CC2D2A: variants seen among roughly 807,000 people sequenced by gnomAD.
CC2D2A encodes the protein coiled-coil and C2 domain-containing protein 2A.
In CC2D2A, 155 loss-of-function variants were observed where a neutral mutation model predicts 212.9. The ratio of observed to expected loss-of-function variants is 0.73; its 90% CI spans 0.64 to 0.83. The LOEUF (loss-of-function observed/expected upper bound fraction) is 0.83, where lower values mean the gene tolerates loss of function less well. Ranked by LOEUF, CC2D2A falls within the 40% of genes least tolerant of loss-of-function variation. CC2D2A has a pLI of 0.00. For synonymous variants in CC2D2A, 667 were observed against 686.5 expected (o/e 0.97, Z 0.44); for missense variants, 1,856 against 1,956.2 (o/e 0.95, Z 0.97).
intron 4 of CC2D2A, among the ~76,000 whole-genome samples, chr4:15,490,603 G>A (rs1715242922): frequency 1.3e-5 from 2 of 152,140 alleles, no homozygotes; most frequent in African/African-American, 4.8e-5. Flanking sequence ...CAGTGTTGCT[G>A]TGAACACTTG....
At chr4:15,487,678 T>C (rs1455666976) in intron 4 of CC2D2A, among the ~76,000 whole-genome samples, 2 of 152,138 alleles carry the variant, frequency 1.3e-5, no homozygotes, top group Non-Finnish European at 2.9e-5. Flanking sequence ...AGGGACTTAC[T>C]ACTGCCATTT....
rs775021952 is a variant in CC2D2A, at chr4:15,589,553, T to A, written c.4188T>A (p.Thr1396=). 9 of 1,612,070 alleles carry A rather than the reference T, an allele frequency of 5.6e-6. No homozygotes were observed. Among genetic ancestry groups the A allele is most frequent in the Non-Finnish European group, 7.6e-6 (9 of 1,178,748 alleles). The stretch of plus-strand genomic sequence containing the variant: ...TGGCCATCTTCTTTCAGGGTCCAAC[T>A]GCCTATGTGCTAACTTGGGAGCAAG... ...LMGNAIPEGP[T]AYVLTWEQGR... Residue 1396 remains threonine, a synonymous_variant, in exon 33 of 37, where the codon ACT becomes ACA. Transcript: ENST00000424120.
In CC2D2A at chr4:15,587,905, G is replaced by A. The variant is rs371862849; in HGVS notation, c.4155G>A (p.Leu1385=). Residue 1385 remains leucine, a synonymous_variant, in exon 32 of 37, where the codon CTG becomes CTA. Coordinates refer to ENST00000424120, the MANE Select transcript of CC2D2A (RefSeq NM_001378615.1). ...TGTCTCTGGGTAAGAAGGCCTGGCT[G>A]TTGATGGGCAATGCTATTCCTGAGG... The part of the protein sequence containing the change: ...YFLSLGKKAW[L]LMGNAIPEGP... The A allele has an allele frequency of 4.1e-5, 66 of 1,610,328 alleles. 1 individual carries two copies. The highest frequency in any genetic ancestry group is 5.5e-5 in the Non-Finnish European group (65 of 1,176,864).
At position 15,569,323 on chromosome 4, in the gene CC2D2A, T is replaced by C. The variant is rs1343096396; in HGVS notation, c.3429T>C (p.Ser1143=). The C allele has an allele frequency of 1.1e-5, 18 of 1,582,730 alleles. No individual in the cohort carries two copies. Among genetic ancestry groups the C allele is most frequent in the Non-Finnish European group, 1.5e-5 (17 of 1,162,634 alleles). Residue 1143 remains serine, a synonymous_variant, in exon 27 of 37, where the codon AGT becomes AGC. Coordinates refer to ENST00000424120, the MANE Select transcript of CC2D2A (RefSeq NM_001378615.1). Reference sequence around the variant, plus strand: ...CTAATGGAGATTATAGCACAGCCAGTCTGCAGTCAGTGAAAGATGTTGTGT... The same window carrying C: ...CTAATGGAGATTATAGCACAGCCAGCCTGCAGTCAGTGAAAGATGTTGTGT... ...RAPNGDYSTA[S]LQSVKDVVFI...
chr4:15,493,648 C>T (rs1469886868), intron 4 of CC2D2A, among the ~76,000 whole-genome samples: 1 of 152,174 alleles, frequency 6.6e-6, no homozygotes, highest in East Asian at 1.9e-4. Flanking sequence ...TTTGTCTCTA[C>T]ACTTGTATCA....
intron 11 of CC2D2A, among the ~76,000 whole-genome samples, chr4:15,524,702 T>C (rs182047660): frequency 1.8e-4 from 27 of 152,170 alleles, no homozygotes; most frequent in Admixed American, 1.2e-3. Flanking sequence ...CTGCCCGCCT[T>C]GGCCTCCCAA....
intron 14 of CC2D2A, among the ~76,000 whole-genome samples, chr4:15,535,353 C>A (rs1270973246): frequency 6.6e-6 from 1 of 152,022 alleles, no homozygotes; most frequent in East Asian, 1.9e-4. Context: ...CTCCCTCCAT[C>A]CCTCCCCTCC....
chr4:15,472,672 T>C (rs1390879834), intron 1 of CC2D2A, among the ~76,000 whole-genome samples: 1 of 150,696 alleles, frequency 6.6e-6, no homozygotes, highest in African/African-American at 2.4e-5. Flanking sequence ...CAGTTTGCAA[T>C]GACCAGAGTT....
rs375933217 is a variant in CC2D2A, at chr4:15,538,157, G to T, written c.2003+20G>T. The T allele has an allele frequency of 1.1e-5, 17 of 1,512,956 alleles. No homozygotes were observed. The South Asian group carries it at 2.2e-4, about 20-fold the overall frequency. The allele number at this position is 1,512,956 out of a possible 1,614,324, so 93.7% of individuals were successfully genotyped here. A position where few individuals can be genotyped will look rare whatever the true frequency, so the allele number is the denominator to read the frequency against. The stretch of plus-strand genomic sequence containing the variant: ...CCCCAGGTGAGTGGATGCTCCGACC[G>T]TAAATGAGGCTGACATCTGATACAC... On this transcript the variant is annotated intron_variant, in intron 16 of 36. Coordinates refer to ENST00000424120, the MANE Select transcript of CC2D2A (RefSeq NM_001378615.1).
Position 15,540,861 on chromosome 4 carries a change from T to A in CC2D2A, c.2028T>A (p.Asp676Glu). 2 of 1,601,048 alleles carry A rather than the reference T, an allele frequency of 1.2e-6. No individual in the cohort carries two copies. Among genetic ancestry groups the A allele is most frequent in the Non-Finnish European group, 1.7e-6 (2 of 1,173,626 alleles). Residue 676 changes from aspartate to glutamate, a missense_variant, in exon 17 of 37, where the codon GAT becomes GAA. Coordinates refer to ENST00000424120, the MANE Select transcript of CC2D2A (RefSeq NM_001378615.1). ...GAGCGGAGGTCTCGAGAAGGGAGGA[T>A]GTAAAGAAGCGCTCAGTGTACTTAA... is the stretch of plus-strand genomic sequence containing the variant. ...CPRAEVSRRE[D>E]VKKRSVYLKV... is the part of the protein sequence containing the mutation.
At chr4:15,567,594 C>A in intron 25 of CC2D2A, 83 bp from the exon 26 acceptor site, 1 of 1,302,486 alleles carries the variant, frequency 7.7e-7, no homozygotes, top group Non-Finnish European at 1.1e-6. Context: ...AAACATACTA[C>A]TTAGTAAATA....
At chr4:15,569,416 C>T in intron 27 of CC2D2A, 27 bp downstream of exon 27, 5 of 1,282,254 alleles carry the variant, frequency 3.9e-6, no homozygotes, top group East Asian at 2.5e-5. Flanking sequence ...AAGAAAGACA[C>T]TTGTATTCAC....
intron 4 of CC2D2A, among the ~76,000 whole-genome samples, chr4:15,490,056 G>A (rs1004456847): frequency 3.3e-5 from 5 of 152,078 alleles, no homozygotes; most frequent in South Asian, 2.1e-4. Context: ...TATCTCCAGC[G>A]TGGACTTCTT....
At chr4:15,521,730 G>T (rs890981421) in intron 11 of CC2D2A, among the ~76,000 whole-genome samples, 2 of 152,202 alleles carry the variant, frequency 1.3e-5, no homozygotes, top group African/African-American at 4.8e-5. Context: ...CTCAATAAAA[G>T]CGCAAATTGA....
At chr4:15,529,246 G>A (rs1717681187) in intron 13 of CC2D2A, among the ~76,000 whole-genome samples, 2 of 152,054 alleles carry the variant, frequency 1.3e-5, no homozygotes, top group Admixed American at 1.3e-4. Flanking sequence ...GCTGAGTATA[G>A]TAGTATGTGC....
intron 20 of CC2D2A, among the ~76,000 whole-genome samples, chr4:15,555,541 C>G (rs1025614522): frequency 4.6e-5 from 7 of 152,186 alleles, no homozygotes; most frequent in African/African-American, 1.7e-4. Flanking sequence ...GAGTTCGAAA[C>G]CAGTCTGGGC....
At chr4:15,496,661 T>C (rs1715633547) in intron 4 of CC2D2A, among the ~76,000 whole-genome samples, 1 of 152,134 alleles carries the variant, frequency 6.6e-6, no homozygotes, top group Non-Finnish European at 1.5e-5. Flanking sequence ...AGGAATATAA[T>C]TTCTGTAGCA....
At chr4:15,563,181 C>A (rs1046652595) in intron 23 of CC2D2A, among the ~76,000 whole-genome samples, 174 bp from the exon 24 acceptor site, 1 of 152,200 alleles carries the variant, frequency 6.6e-6, no homozygotes, top group Non-Finnish European at 1.5e-5. Flanking sequence ...ACAATCCATG[C>A]AGTAGGATCT....
At chr4:15,544,811 TAC>T (rs1344458383) in intron 17 of CC2D2A, among the ~76,000 whole-genome samples, 1 of 152,230 alleles carries the variant, frequency 6.6e-6, no homozygotes, top group Non-Finnish European at 1.5e-5. Context: ...CTGTGGATGT[TAC>T]AGTCAAAATA....
Sources: gnomAD v4.1 joint callset for allele counts (sites outside exome capture counted in the v4.1 genomes callset) on GRCh38, gnomAD v4.1.1 for gene constraint, MANE v1.5 for transcripts, NCBI Gene and HGNC (gene_info 2026-07-23, HGNC 2026-07-21) for gene names.